Variants in PFKM observed in about 807,000 individuals in gnomAD.
The protein encoded by PFKM is phosphofructokinase, muscle.
PFKM carries 58 observed loss-of-function variants against 95.5 expected under a neutral mutation model. The observed-to-expected ratio is 0.61, with a 90% CI of 0.49 to 0.76. PFKM has a LOEUF of 0.76. Among genes scored for constraint, PFKM ranks in the 30% least tolerant of loss-of-function variants. The pLI is 0.00. For synonymous variants in PFKM, 336 were observed against 357.2 expected, an observed-to-expected ratio of 0.94 and a Z score of 0.67; for missense variants, 678 against 1,005.4, an observed-to-expected ratio of 0.67 and a Z score of 4.40.
chr12:48,145,838 A>C lies in PFKM; in HGVS notation c.*130A>C. The C allele has an allele frequency of 1.9e-6, 2 of 1,040,688 alleles. No individual in the cohort carries two copies. Among genetic ancestry groups the C allele is most frequent in the Non-Finnish European group, 2.9e-6 (2 of 689,262 alleles). The allele number at this position is 1,040,688 out of a possible 1,614,324, so 64.5% of individuals were successfully genotyped here. Reference sequence around the variant, plus strand: ...TTTTATTCTGTACCTTGCAGCCATGACCAGTTCTGGCCAGGAGCTGGAGGA... The same window carrying C: ...TTTTATTCTGTACCTTGCAGCCATGCCCAGTTCTGGCCAGGAGCTGGAGGA... On this transcript the variant is annotated 3_prime_UTR_variant, in exon 23 of 23. Transcript: ENST00000359794. This position sits in a 1 kb window ranked among gnomAD's most constrained non-coding sequence, Gnocchi z 4.3.
chr12:48,136,167 G>A (rs368012298), intron 10 of PFKM, among the ~76,000 whole-genome samples: 4 of 152,290 alleles, frequency 2.6e-5, no homozygotes, highest in South Asian at 2.1e-4. Context: ...GATTACAGGC[G>A]TGAGCCACTG....
At chr12:48,130,558 C>G in intron 3 of PFKM, 122 bp downstream of exon 3, 1 of 818,936 alleles carries the variant, frequency 1.2e-6, no homozygotes, top group Non-Finnish European at 2.2e-6. Context: ...GTTTGATTTT[C>G]CTTGACTCCG....
At chr12:48,105,814 G>A (rs1436443920), upstream of PFKM, 1 of 594,804 alleles carries the variant, frequency 1.7e-6, no homozygotes, top group Non-Finnish European at 3.0e-6. Flanking sequence ...GCCTCAGGTA[G>A]CCTAACGGCC....
chr12:48,140,902 G>T, intron 14 of PFKM, 31 bp downstream of exon 14: 1 of 1,612,576 alleles, frequency 6.2e-7, no homozygotes, highest in Non-Finnish European at 8.5e-7. Flanking sequence ...CCTAGGAGCA[G>T]TCATGGGGAA....
intron 3 of PFKM, among the ~76,000 whole-genome samples, chr12:48,111,526 T>C (rs1431175019): frequency 2.0e-5 from 3 of 151,928 alleles, no homozygotes; most frequent in African/African-American, 7.3e-5. Flanking sequence ...GAGTGAGAGC[T>C]CAAGTTAAGA....
upstream of PFKM, chr12:48,105,531 G>A (rs1946466245): frequency 5.8e-6 from 3 of 513,232 alleles, no homozygotes; most frequent in Non-Finnish European, 1.2e-5. Flanking sequence ...ATACCACAGA[G>A]TAGGAGAGTT....
In PFKM at chr12:48,144,130, G is replaced by T; in HGVS notation, c.1965G>T (p.Arg655Ser). 6.2e-7 allele frequency: 1 copy of T among 1,612,946 alleles called. No homozygotes were observed. The highest frequency in any genetic ancestry group is 1.7e-5 in the Admixed American group (1 of 60,024). The change falls in exon 20 of 23, where the codon AGG becomes AGT. Residue 655 changes from arginine to serine, a missense_variant. Transcript: ENST00000359794. ...SEEGKGIFDS[R>S]KNVLGHMQQG... ...AGGGGAAGGGCATCTTCGACAGCAG[G>T]AAGAATGTGCTTGGTCACATGCAGC...
At chr12:48,144,747 A>G (rs1315015955) in intron 20 of PFKM, among the ~76,000 whole-genome samples, 3 of 152,220 alleles carry the variant, frequency 2.0e-5, no homozygotes, top group African/African-American at 7.2e-5. Flanking sequence ...ATTGGCCAAT[A>G]AAACTAAAAC....
At chr12:48,144,962 G>C in intron 20 of PFKM, 69 bp from the exon 21 acceptor site, 1 of 1,107,522 alleles carries the variant, frequency 9.0e-7, no homozygotes, top group Non-Finnish European at 1.4e-6. Flanking sequence ...TTTTTTCTCT[G>C]TGTGTCTAGA....
intron 12 of PFKM, among the ~76,000 whole-genome samples, 172 bp from the exon 13 acceptor site, chr12:48,139,677 C>T (rs1950411474): frequency 6.6e-6 from 1 of 152,210 alleles, no homozygotes; most frequent in Non-Finnish European, 1.5e-5. Flanking sequence ...GTTTGATGAA[C>T]TAGTGGCCCT....
upstream of PFKM, among the ~76,000 whole-genome samples, chr12:48,118,937 T>C (rs1471543639): frequency 6.6e-6 from 1 of 152,074 alleles, no homozygotes; most frequent in African/African-American, 2.4e-5. Context: ...GCACACAGAC[T>C]CCCAAGAAAT....
rs141970566 is a variant in PFKM, at chr12:48,138,892, T to G, written c.1063-393T>G. On this transcript the variant is annotated intron_variant, in intron 11 of 22. Coordinates refer to ENST00000359794, the MANE Select transcript of PFKM (RefSeq NM_000289.6). The stretch of plus-strand genomic sequence containing the variant: ...ACATGGTGAAAAATACCAAAAAAAT[T>G]AGCCGGGTGTGGTTGCACACGCCTA... Among the ~76,000 whole-genome samples the G allele has an allele frequency of 7.1e-3, 1,084 of 151,850 alleles. 8 individuals carry two copies. Among genetic ancestry groups the G allele is most frequent in the African/African-American group, 0.025 (1,029 of 41,378 alleles).
intron 11 of PFKM, among the ~76,000 whole-genome samples, chr12:48,138,068 G>A (rs1000824503): frequency 4.6e-5 from 7 of 152,172 alleles, no homozygotes; most frequent in African/African-American, 1.7e-4. Flanking sequence ...GAAGGTGGGA[G>A]ATTCTACATC....
chr12:48,144,541 A>G (rs911517115), intron 20 of PFKM, among the ~76,000 whole-genome samples: 4 of 152,156 alleles, frequency 2.6e-5, no homozygotes, highest in Non-Finnish European at 5.9e-5. Flanking sequence ...TCCCAATTGT[A>G]ACAAAAATGT....
exon 2 of PFKM, chr12:48,107,376 G>T: frequency 6.3e-7 from 1 of 1,593,960 alleles, no homozygotes; most frequent in South Asian, 1.1e-5. Flanking sequence ...AGGCAGCCAT[G>T]CATAAAGACG....
At chr12:48,118,110 G>A (rs1192842167), upstream of PFKM, among the ~76,000 whole-genome samples, 1 of 152,166 alleles carries the variant, frequency 6.6e-6, no homozygotes, top group Non-Finnish European at 1.5e-5. Flanking sequence ...TAAAGAGTCT[G>A]TTCTATCAGT....
intron 17 of PFKM, chr12:48,142,428 G>C (rs572399468): frequency 3.5e-5 from 15 of 430,548 alleles, no homozygotes; most frequent in South Asian, 2.1e-4. Context: ...AGCAGAGATC[G>C]TGCCACTTTA....
chr12:48,142,514 TTG>T, intron 17 of PFKM: 3 of 506,470 alleles, frequency 5.9e-6, no homozygotes, highest in Non-Finnish European at 7.1e-6. Flanking sequence ...AATGTTTTGT[TTG>T]TTTTTTTTTT....
chr12:48,110,253 T>A (rs1201052315), intron 3 of PFKM, among the ~76,000 whole-genome samples: 3 of 152,046 alleles, frequency 2.0e-5, no homozygotes, highest in Non-Finnish European at 4.4e-5. Context: ...TGTGACTTGA[T>A]GATGGGAGGA....
Sources: gnomAD v4.1 joint callset for allele counts (sites outside exome capture counted in the v4.1 genomes callset) on GRCh38, gnomAD v4.1.1 for gene constraint, Gnocchi (gnomAD v3.1) non-coding constraint, MANE v1.5 for transcripts, NCBI Gene and HGNC (gene_info 2026-07-23, HGNC 2026-07-21) for gene names.